The following SLC15A2 variants were observed in gnomAD, a reference collection of about 807,000 sequenced individuals.
SLC15A2 encodes the protein solute carrier family 15 member 2.
SLC15A2 carries 77 observed loss-of-function variants against 95.5 expected under a neutral mutation model. The ratio of observed to expected loss-of-function variants is 0.81; its 90% CI spans 0.67 to 0.97. SLC15A2 has a LOEUF of 0.97. Among genes scored for constraint, SLC15A2 ranks in the 50% least tolerant of loss-of-function variants. The pLI, the probability that SLC15A2 is intolerant of heterozygous loss-of-function variation, is 0.00. For synonymous variants in SLC15A2, 306 were observed against 306.9 expected (o/e 1.00, Z 0.03); for missense variants, 893 against 874.4 (o/e 1.02, Z -0.27).
chr3:121,912,203 T>C (rs866303266), intron 4 of SLC15A2, among the ~76,000 whole-genome samples: 1 of 152,178 alleles, frequency 6.6e-6, no homozygotes, highest in Admixed American at 6.5e-5. Flanking sequence ...CCTGTGTACA[T>C]GTATTTATCC....
At chr3:121,938,345 C>T (rs62269180) in intron 19 of SLC15A2, among the ~76,000 whole-genome samples, 212 of 152,358 alleles carry the variant, frequency 1.4e-3, no homozygotes, top group South Asian at 1.9e-3. Flanking sequence ...TGGGCAATGG[C>T]GGGCGCCCCT....
intron 17 of SLC15A2, 87 bp from the exon 18 acceptor site, chr3:121,930,753 A>T: frequency 1.3e-6 from 1 of 761,128 alleles, no homozygotes; most frequent in Non-Finnish European, 2.2e-6. Context: ...CTGGGGATAT[A>T]GTTATACCCA....
intron 7 of SLC15A2, among the ~76,000 whole-genome samples, chr3:121,916,097 C>T (rs928078790): frequency 6.6e-6 from 1 of 152,196 alleles, no homozygotes; most frequent in Admixed American, 6.5e-5. Flanking sequence ...ACTTATTTAT[C>T]TGGTAATTGG....
At chr3:121,934,752 T>G (rs1446741260) in intron 19 of SLC15A2, among the ~76,000 whole-genome samples, 1 of 152,212 alleles carries the variant, frequency 6.6e-6, no homozygotes, top group East Asian at 1.9e-4. Flanking sequence ...GAATACCCTT[T>G]ATTTCCTTCT....
chr3:121,911,795 A>G (rs1709772763), intron 4 of SLC15A2, 129 bp downstream of exon 4: 9 of 678,846 alleles, frequency 1.3e-5, no homozygotes, highest in Non-Finnish European at 2.1e-5. Context: ...GTTAAGAAAA[A>G]CAGTCTTATG....
rs1381681224 is a variant in SLC15A2 at position 121,931,739 on chromosome 3, A to T, written c.1761+4A>T. On this transcript the variant is annotated splice_donor_region_variant and intron_variant, in intron 19 of 21. Coordinates refer to ENST00000489711, the MANE Select transcript of SLC15A2 (RefSeq NM_021082.4). ...ATATCTGTTTGTTATTACTAATGTA[A>T]GTAGCTCACAGCCACCTCTTTACCC... The T allele has an allele frequency of 6.5e-7, 1 of 1,541,706 alleles. No individual in the cohort carries two copies. Among genetic ancestry groups the T allele is most frequent in the South Asian group, 1.1e-5 (1 of 89,558 alleles).
chr3:121,897,480 A>G lies in SLC15A2; in HGVS notation c.286A>G (p.Thr96Ala). 1 of 1,613,548 alleles carries G rather than the reference A, an allele frequency of 6.2e-7. No homozygotes were observed. Among genetic ancestry groups the G allele is most frequent in the Non-Finnish European group, 8.5e-7 (1 of 1,179,916 alleles). The part of the protein sequence containing the change: ...YHAFSSLCYF[T>A]PILGAAIADS... ...TGCCTTCAGCAGCCTCTGTTATTTTACTCCCATCCTGGGAGCAGCCATTGC... is the reference window on the plus strand; with the variant it reads ...TGCCTTCAGCAGCCTCTGTTATTTTGCTCCCATCCTGGGAGCAGCCATTGC... The change falls in exon 3 of 22, where the codon ACT (threonine) becomes GCT (alanine). Residue 96 changes from threonine to alanine, a missense_variant. By Grantham distance (58) the Thr-to-Ala change is moderately conservative. Transcript: ENST00000489711.
chr3:121,896,594 A>ACTCTTTC, intron 2 of SLC15A2, 101 bp downstream of exon 2: 2 of 920,462 alleles, frequency 2.2e-6, no homozygotes, highest in Non-Finnish European at 3.6e-6. Flanking sequence ...TCCCGAGTCC[A>ACTCTTTC]CTCTTTCTGC....
Position 121,903,400 on chromosome 3 carries a change from G to T in SLC15A2, c.335+5871G>T, listed in dbSNP as rs533506132. Among the ~76,000 whole-genome samples the T allele has an allele frequency of 9.2e-3, 1,407 of 152,244 alleles. 21 individuals are homozygous for T. The highest frequency in any genetic ancestry group is 0.031 in the African/African-American group (1,306 of 41,536). ...TTGGCTTTGGTTGCCATTGCTTTTG[G>T]TGTTTTAGACATGAAGTCCTTGCCC... is the stretch of plus-strand genomic sequence containing the variant. On this transcript the variant is annotated intron_variant, in intron 3 of 21. Transcript: ENST00000489711.
At chr3:121,910,574 G>GAA (rs892105911) in intron 3 of SLC15A2, among the ~76,000 whole-genome samples, 50 of 152,244 alleles carry the variant, frequency 3.3e-4, no homozygotes, top group African/African-American at 9.4e-4. Flanking sequence ...TAGGCACTTA[G>GAA]AATGAGAAAT....
chr3:121,911,924 T>A (rs1372814975), intron 4 of SLC15A2, among the ~76,000 whole-genome samples: 1 of 152,136 alleles, frequency 6.6e-6, no homozygotes, highest in African/African-American at 2.4e-5. Context: ...CCCTACATAT[T>A]CCCTCACCTT....
chr3:121,919,465 T>A (rs28481518), intron 7 of SLC15A2, among the ~76,000 whole-genome samples: 1 of 152,058 alleles, frequency 6.6e-6, no homozygotes, highest in Admixed American at 6.6e-5. Flanking sequence ...TTAGTGTGGG[T>A]TTTTTATGGG....
chr3:121,933,217 A>C (rs1710267923), intron 19 of SLC15A2, among the ~76,000 whole-genome samples: 1 of 148,902 alleles, frequency 6.7e-6, no homozygotes, highest in South Asian at 2.2e-4. Context: ...TGCCGCAATA[A>C]ACATATGTGT....
At chr3:121,908,081 A>C (rs1709691743) in intron 3 of SLC15A2, among the ~76,000 whole-genome samples, 2 of 152,242 alleles carry the variant, frequency 1.3e-5, no homozygotes, top group South Asian at 2.1e-4. Context: ...CTCAAGCCTC[A>C]GCAATGGCAG....
chr3:121,915,504 G>C, intron 6 of SLC15A2, 112 bp from the exon 7 acceptor site: 1 of 865,710 alleles, frequency 1.2e-6, no homozygotes, highest in Non-Finnish European at 1.9e-6. Context: ...AAAGAGGGTG[G>C]TTATGTCTAT....
At chr3:121,911,532 T>G (rs1037720498) in intron 3 of SLC15A2, 42 bp from the exon 4 acceptor site, 2 of 1,333,132 alleles carry the variant, frequency 1.5e-6, no homozygotes, top group Non-Finnish European at 2.2e-6. Flanking sequence ...TTCAAATCTC[T>G]CAGTTCTGGT....
In SLC15A2 at chr3:121,943,923, T is replaced by C. The variant is rs1228360649; in HGVS notation, c.*2916T>C. The C allele has an allele frequency of 6.6e-6, 1 of 152,216 alleles. No homozygotes were observed. Among genetic ancestry groups the C allele is most frequent in the African/African-American group, 2.4e-5 (1 of 41,468 alleles). The allele number at this position is 152,216 out of a possible 1,614,324, so 9.4% of individuals were successfully genotyped here. ...TAAACATATCTAAACATAGAAACGGTACAAAAAACTTTACACATTATATAG... is the reference window on the plus strand; with the variant it reads ...TAAACATATCTAAACATAGAAACGGCACAAAAAACTTTACACATTATATAG... On this transcript the variant is annotated 3_prime_UTR_variant, in exon 22 of 22. Coordinates refer to ENST00000489711, the MANE Select transcript of SLC15A2 (RefSeq NM_021082.4).
At chr3:121,928,878 T>C in intron 15 of SLC15A2, 104 bp from the exon 16 acceptor site, 1 of 1,243,044 alleles carries the variant, frequency 8.0e-7, no homozygotes, top group East Asian at 2.4e-5. Context: ...ATTACTAGGT[T>C]GAAAGTGTCT....
chr3:121,936,573 G>A (rs1710351624), intron 19 of SLC15A2, among the ~76,000 whole-genome samples: 1 of 151,882 alleles, frequency 6.6e-6, no homozygotes, highest in African/African-American at 2.4e-5. Flanking sequence ...TTTTATCAGA[G>A]ACTAGGATTG....
Sources: gnomAD v4.1 joint callset for allele counts (sites outside exome capture counted in the v4.1 genomes callset) on GRCh38, gnomAD v4.1.1 for gene constraint, MANE v1.5 for transcripts, NCBI Gene and HGNC (gene_info 2026-07-23, HGNC 2026-07-21) for gene names.